NDUFAF6: variants seen among roughly 807,000 people sequenced by gnomAD.
The protein encoded by NDUFAF6 is NADH dehydrogenase (ubiquinone) complex I, assembly factor 6.
In NDUFAF6, 45 loss-of-function variants were observed where a neutral mutation model predicts 40.8. That is an observed-to-expected ratio of 1.10 (90% CI 0.87 to 1.42). The LOEUF is 1.42. Among genes scored for constraint, NDUFAF6 ranks in the 40% most tolerant of loss-of-function variants. The pLI is 0.00. For synonymous variants in NDUFAF6, 185 were observed against 155.9 expected, an observed-to-expected ratio of 1.19 and a Z score of -1.39; for missense variants, 435 against 418.5, an observed-to-expected ratio of 1.04 and a Z score of -0.34.
chr8:94,921,566 C>T (rs145641920), intron 1 of NDUFAF6, among the ~76,000 whole-genome samples: 1 of 152,342 alleles, frequency 6.6e-6, no homozygotes, highest in African/African-American at 2.4e-5. Flanking sequence ...TTCACAAATA[C>T]ATCCCTTCTT....
At chr8:94,964,782 C>T (rs1823877068) in intron 1 of NDUFAF6, among the ~76,000 whole-genome samples, 1 of 152,208 alleles carries the variant, frequency 6.6e-6, no homozygotes, top group Admixed American at 6.5e-5. Context: ...CCACTTCCAA[C>T]ATTGGTGGGG....
At chr8:95,108,371 C>A (rs1266970495), downstream of NDUFAF6, among the ~76,000 whole-genome samples, 1 of 151,992 alleles carries the variant, frequency 6.6e-6, no homozygotes, top group Non-Finnish European at 1.5e-5. Context: ...TATTTCCTAG[C>A]CTTAAAAAGG....
intron 2 of NDUFAF6, among the ~76,000 whole-genome samples, chr8:95,091,552 A>G (rs547557022): frequency 6.6e-6 from 1 of 152,058 alleles, no homozygotes; most frequent in African/African-American, 2.4e-5. Flanking sequence ...TTCATGCTGA[A>G]GCTCTTCCAA....
intron 2 of NDUFAF6, among the ~76,000 whole-genome samples, chr8:94,986,165 G>A (rs1375665492): frequency 6.6e-6 from 1 of 152,070 alleles, no homozygotes; most frequent in Non-Finnish European, 1.5e-5. Context: ...GAACCACCTC[G>A]CCTGGCACAA....
intron 1 of NDUFAF6, among the ~76,000 whole-genome samples, chr8:94,910,432 C>G (rs1818704573): frequency 6.6e-6 from 1 of 152,186 alleles, no homozygotes; most frequent in Admixed American, 6.5e-5. Context: ...GGATTACAGG[C>G]ATGAGCCACC....
intron 2 of NDUFAF6, among the ~76,000 whole-genome samples, chr8:95,084,630 C>A (rs1400177689): frequency 6.6e-6 from 1 of 152,158 alleles, no homozygotes; most frequent in African/African-American, 2.4e-5. Flanking sequence ...GGTACCAATT[C>A]CATGGCTTGG....
intron 9 of NDUFAF6, chr8:95,072,748 C>T (rs2132037470): frequency 6.5e-6 from 1 of 153,352 alleles, no homozygotes; most frequent in Admixed American, 6.5e-5. Flanking sequence ...GTGGTGCAAG[C>T]CACTGCTTTT....
At chr8:95,063,424 C>T (rs1832619620), downstream of NDUFAF6, among the ~76,000 whole-genome samples, 1 of 152,038 alleles carries the variant, frequency 6.6e-6, no homozygotes, top group Non-Finnish European at 1.5e-5. Flanking sequence ...CACGATGAAA[C>T]CCTGTCTACT....
chr8:94,959,955 G>A (rs777285775), intron 1 of NDUFAF6, among the ~76,000 whole-genome samples: 2 of 152,176 alleles, frequency 1.3e-5, no homozygotes, highest in Admixed American at 6.5e-5. Flanking sequence ...CAAGGATCAC[G>A]TGGTTTTGTG....
chr8:94,967,194 C>G (rs766831802), intron 1 of NDUFAF6, among the ~76,000 whole-genome samples: 2 of 152,234 alleles, frequency 1.3e-5, no homozygotes, highest in Non-Finnish European at 2.9e-5. Context: ...CTAGCTTAAA[C>G]TTTGATAAAG....
intron 1 of NDUFAF6, among the ~76,000 whole-genome samples, chr8:94,961,615 G>A (rs1160610943): frequency 6.6e-6 from 1 of 152,090 alleles, no homozygotes; most frequent in Admixed American, 6.6e-5. Context: ...AGTAGAGACA[G>A]GGTTTCACCA....
At chr8:94,980,718 G>A (rs374607288) in intron 1 of NDUFAF6, 4 of 223,040 alleles carry the variant, frequency 1.8e-5, no homozygotes, top group Non-Finnish European at 3.7e-5. Flanking sequence ...CCCGAAGTTT[G>A]GGTTTGAAGG....
intron 3 of NDUFAF6, 46 bp from the exon 4 acceptor site, chr8:95,041,524 C>G: frequency 2.2e-6 from 3 of 1,351,430 alleles, no homozygotes; most frequent in Non-Finnish European, 3.2e-6. Context: ...CTACAGAAGT[C>G]ATTTCTAGTA....
In NDUFAF6 at chr8:95,046,965, G is replaced by C. The variant is rs1237658891; in HGVS notation, c.581-29G>C. The C allele has an allele frequency of 2.5e-6, 4 of 1,613,486 alleles. No individual in the cohort carries two copies. In the African/African-American group the frequency reaches 5.3e-5, roughly 22 times the overall value. ...TGATTTATTATGCACTTAGAATAGA[G>C]CAGCCCTGTGTAATTTCTGAAATCA... On this transcript the variant is annotated intron_variant, in intron 5 of 8. Transcript: ENST00000396124.
At chr8:95,094,909 C>T (rs529456123) in intron 2 of NDUFAF6, among the ~76,000 whole-genome samples, 4 of 151,478 alleles carry the variant, frequency 2.6e-5, no homozygotes, top group Admixed American at 6.6e-5. Flanking sequence ...CACACCACCA[C>T]GCCCAGCTAA....
upstream of NDUFAF6, among the ~76,000 whole-genome samples, chr8:95,021,342 T>C (rs1827685824): frequency 2.0e-5 from 3 of 152,242 alleles, no homozygotes; most frequent in South Asian, 6.2e-4. Context: ...CACAATATTT[T>C]GTTTGCCAAA....
In NDUFAF6 at chr8:95,010,825, C is replaced by T. The variant is rs1183166730; in HGVS notation, c.-83-21170C>T. 2.6e-5 allele frequency among the ~76,000 whole-genome samples: 4 copies of T among 152,070 alleles called. No individual in the cohort carries two copies. The South Asian group carries it at 6.2e-4, about 24-fold the overall frequency. On this transcript the variant is annotated intron_variant, in intron 2 of 9. Coordinates refer to the NDUFAF6 transcript ENST00000396111. ...TCTCTGGGAAGCAGATGCTGAGAAA[C>T]GGTAGGTGTGGGAAAGGTTTTGTGG...
downstream of NDUFAF6, among the ~76,000 whole-genome samples, chr8:95,062,471 A>G (rs1328416320): frequency 1.3e-5 from 2 of 152,206 alleles, no homozygotes; most frequent in Admixed American, 6.5e-5. Flanking sequence ...GTGGCATTTG[A>G]AAAAGAATGA....
At chr8:94,952,096 C>T (rs546431649) in intron 2 of NDUFAF6, among the ~76,000 whole-genome samples, 1 of 152,222 alleles carries the variant, frequency 6.6e-6, no homozygotes, top group Non-Finnish European at 1.5e-5. Flanking sequence ...TCAGAGTTCT[C>T]CTGTCTGTTT....
Sources: gnomAD v4.1 joint callset for allele counts (sites outside exome capture counted in the v4.1 genomes callset) on GRCh38, gnomAD v4.1.1 for gene constraint, MANE v1.5 for transcripts, NCBI Gene and HGNC (gene_info 2026-07-23, HGNC 2026-07-21) for gene names.